The following COL25A1 variants were observed in gnomAD, a reference collection of about 807,000 sequenced individuals.
COL25A1 encodes collagen alpha-1(XXV) chain.
In COL25A1, 103 loss-of-function variants were observed where a neutral mutation model predicts 128.4. That is an observed-to-expected ratio of 0.80 (90% CI 0.68 to 0.94). The LOEUF is 0.94. Among genes scored for constraint, COL25A1 ranks in the 40% least tolerant of loss-of-function variants. The pLI, the probability that COL25A1 is intolerant of heterozygous loss-of-function variation, is 0.00. For missense variants in COL25A1, 745 were observed against 840.0 expected (o/e 0.89, Z 1.40); for synonymous variants, 279 against 277.2 (o/e 1.01, Z -0.06).
chr4:108,870,136 G>A (rs376928584), intron 19 of COL25A1, among the ~76,000 whole-genome samples: 7 of 151,972 alleles, frequency 4.6e-5, no homozygotes, highest in East Asian at 3.9e-4. Flanking sequence ...CGAGCCTGTC[G>A]TCCCAGCTAC....
chr4:109,100,644 A>G (rs1400242876), intron 3 of COL25A1, among the ~76,000 whole-genome samples: 1 of 152,162 alleles, frequency 6.6e-6, no homozygotes, highest in Non-Finnish European at 1.5e-5. Context: ...TTCTATACCT[A>G]AAGAATAAAA....
chr4:109,082,128 G>A (rs968214894), intron 3 of COL25A1, among the ~76,000 whole-genome samples: 10 of 152,166 alleles, frequency 6.6e-5, no homozygotes, highest in Non-Finnish European at 1.2e-4. Context: ...GTTGTAGCCT[G>A]TATCAGTACT....
chr4:109,134,520 C>T (rs756464250), intron 3 of COL25A1, among the ~76,000 whole-genome samples: 1 of 152,108 alleles, frequency 6.6e-6, no homozygotes, highest in Non-Finnish European at 1.5e-5. Context: ...AAGCGCATTC[C>T]CCATTTCCAA....
chr4:109,290,429 C>A (rs1724352544), intron 3 of COL25A1, among the ~76,000 whole-genome samples: 1 of 152,046 alleles, frequency 6.6e-6, no homozygotes, highest in Admixed American at 6.6e-5. Flanking sequence ...TATGCAAGTA[C>A]ATAAAAGTCC....
intron 13 of COL25A1, among the ~76,000 whole-genome samples, chr4:108,911,922 G>A (rs749279756): frequency 2.0e-5 from 3 of 148,340 alleles, no homozygotes; most frequent in African/African-American, 5.0e-5. Flanking sequence ...ATTTTCATTC[G>A]CTACAATAAT....
intron 6 of COL25A1, among the ~76,000 whole-genome samples, chr4:108,979,251 G>A (rs917951072): frequency 5.3e-5 from 8 of 152,100 alleles, no homozygotes; most frequent in East Asian, 1.9e-4. Flanking sequence ...ATCTACTTCC[G>A]TTTAAGTAAC....
chr4:109,093,140 TG>T (rs1765075742), intron 3 of COL25A1, among the ~76,000 whole-genome samples: 4 of 152,144 alleles, frequency 2.6e-5, no homozygotes, highest in African/African-American at 9.7e-5. Flanking sequence ...CAAGCACATG[TG>T]CAGTTCAAAT....
intron 3 of COL25A1, among the ~76,000 whole-genome samples, chr4:109,130,744 G>A (rs1769121166): frequency 6.6e-6 from 1 of 152,048 alleles, no homozygotes; most frequent in South Asian, 2.1e-4. Flanking sequence ...AAGAAAGAGG[G>A]ACCTAAAAAA....
intron 16 of COL25A1, 35 bp from the exon 17 acceptor site, chr4:108,889,768 T>A (rs746985172): frequency 6.3e-6 from 10 of 1,598,868 alleles, no homozygotes; most frequent in Non-Finnish European, 8.6e-6. Context: ...ATCTCACAAG[T>A]TATGGGAATA....
chr4:108,844,932 T>C (rs1431692744), intron 29 of COL25A1, among the ~76,000 whole-genome samples: 28 of 152,194 alleles, frequency 1.8e-4, no homozygotes, highest in Non-Finnish European at 4.4e-5. Flanking sequence ...GATCTACCCA[T>C]TGTTAGGAGA....
intron 3 of COL25A1, among the ~76,000 whole-genome samples, chr4:109,129,886 G>A (rs983063332): frequency 6.6e-6 from 1 of 152,018 alleles, no homozygotes; most frequent in Admixed American, 6.6e-5. Context: ...AGAATTGGGA[G>A]ATATACCTAA....
chr4:109,037,859 A>G (rs772125766), intron 5 of COL25A1, among the ~76,000 whole-genome samples: 19 of 152,202 alleles, frequency 1.2e-4, no homozygotes, highest in Non-Finnish European at 2.5e-4. Context: ...CTTACTTTCA[A>G]TTAAATGTAT....
chr4:108,827,089 T>C (rs745982616), intron 33 of COL25A1, 46 bp downstream of exon 33: 1 of 1,561,680 alleles, frequency 6.4e-7, no homozygotes, highest in South Asian at 1.1e-5. Flanking sequence ...TGACTGGTCA[T>C]CTATGCATGC....
intron 19 of COL25A1, among the ~76,000 whole-genome samples, chr4:108,879,669 A>T (rs889051098): frequency 3.3e-5 from 5 of 151,868 alleles, no homozygotes; most frequent in Non-Finnish European, 2.9e-5. Context: ...CTGGTCTCGA[A>T]CTCCTGACCT....
intron 6 of COL25A1, among the ~76,000 whole-genome samples, chr4:108,984,637 C>G (rs921004212): frequency 2.0e-5 from 3 of 152,236 alleles, no homozygotes; most frequent in African/African-American, 4.8e-5. Context: ...GCCAGCCGGC[C>G]GCTCCGAAGT....
chr4:109,108,820 C>G (rs1335497247), intron 3 of COL25A1, among the ~76,000 whole-genome samples: 3 of 152,012 alleles, frequency 2.0e-5, no homozygotes, highest in Admixed American at 2.0e-4. Context: ...TTTAGACATG[C>G]TATTGCACAC....
chr4:109,164,086 T>C (rs1474254209), intron 3 of COL25A1, among the ~76,000 whole-genome samples: 1 of 152,136 alleles, frequency 6.6e-6, no homozygotes, highest in Non-Finnish European at 1.5e-5. Context: ...ATGCTATGTA[T>C]TCAACAAACT....
chr4:109,073,958 A>C (rs1358023573), intron 3 of COL25A1, among the ~76,000 whole-genome samples: 1 of 152,222 alleles, frequency 6.6e-6, no homozygotes, highest in Non-Finnish European at 1.5e-5. Flanking sequence ...AAAAAGATGT[A>C]GATTATTTAG....
chr4:108,921,991 C>G (rs1745544740), intron 11 of COL25A1, among the ~76,000 whole-genome samples: 1 of 152,050 alleles, frequency 6.6e-6, no homozygotes, highest in African/African-American at 2.4e-5. Flanking sequence ...GTATGTGTAC[C>G]TCTTTCCTGT....
Sources: allele counts gnomAD v4.1 joint callset (sites outside exome capture counted in the v4.1 genomes callset), GRCh38; gene constraint gnomAD v4.1.1; transcripts MANE v1.5; gene names NCBI Gene and HGNC (gene_info 2026-07-23, HGNC 2026-07-21).